Variants in ECE1 observed in about 807,000 individuals in gnomAD.
ECE1 encodes the protein endothelin-converting enzyme 1.
In ECE1, 35 loss-of-function variants were observed where a neutral mutation model predicts 98.6. That is an observed-to-expected ratio of 0.35 (90% CI 0.27 to 0.47). The LOEUF is 0.47. Among genes scored for constraint, ECE1 ranks in the 20% least tolerant of loss-of-function variants. The probability of loss-of-function intolerance (pLI) is 1.00; values close to 1 mark genes in which losing one functional copy is unlikely to be tolerated. For synonymous variants in ECE1, 394 were observed against 407.1 expected, an observed-to-expected ratio of 0.97 and a Z score of 0.39; for missense variants, 814 against 1,025.3, an observed-to-expected ratio of 0.79 and a Z score of 2.81.
intron 6 of ECE1, among the ~76,000 whole-genome samples, chr1:21,257,906 A>G (rs552326072): frequency 2.6e-5 from 4 of 152,214 alleles, no homozygotes; most frequent in Non-Finnish European, 4.4e-5. Context: ...GGTGGTTAAG[A>G]GTCACTCAAA....
At chr1:21,323,487 C>T (rs1018467006) in intron 1 of ECE1, among the ~76,000 whole-genome samples, 3 of 152,148 alleles carry the variant, frequency 2.0e-5, no homozygotes, top group African/African-American at 7.2e-5. Context: ...GGGCCAAGTG[C>T]AGTGTTCATG....
Position 21,290,090 on chromosome 1 carries a change from C to A in ECE1, c.118G>T (p.Ala40Ser). Residue 40 changes from alanine to serine, a missense_variant, in exon 2 of 19, where the codon GCA becomes TCA. Physicochemically the swap from Ala to Ser is moderately conservative, Grantham distance 99 (BLOSUM62 1). Transcript: ENST00000374893. The surrounding 1 kb of genome is among the most constrained non-coding windows in gnomAD (Gnocchi z 7.3). Reference protein sequence around the residue: ...DLVDSLSEGDAYPNGLQVNFH... With the variant: ...DLVDSLSEGDSYPNGLQVNFH... ...CCTACCTGCAGGCCGTTGGGGTATG[C>A]GTCGCCCTCGGAGAGCGAGTCCACC... 1 of 1,533,286 alleles carries A rather than the reference C, an allele frequency of 6.5e-7. No individual in the cohort carries two copies. Among genetic ancestry groups the A allele is most frequent in the Non-Finnish European group, 8.8e-7 (1 of 1,139,186 alleles). 95.0% of individuals were successfully genotyped at this position (1,533,286 alleles called of 1,614,324 possible). A position where few individuals can be genotyped will look rare whatever the true frequency, so the allele number is the denominator to read the frequency against.
At chr1:21,298,572 G>A in intron 1 of ECE1, 1 of 366,430 alleles carries the variant, frequency 2.7e-6, no homozygotes. Context: ...GCCTAGCAGA[G>A]AAGCAGCACA....
intron 2 of ECE1, among the ~76,000 whole-genome samples, chr1:21,281,881 G>C (rs1049211564): frequency 6.6e-6 from 1 of 152,170 alleles, no homozygotes; most frequent in African/African-American, 2.4e-5. Context: ...ATTTTTAGTA[G>C]AGACAGGGTT....
chr1:21,238,353 C>T (rs923890212), intron 10 of ECE1, 109 bp from the exon 11 acceptor site: 1 of 883,314 alleles, frequency 1.1e-6, no homozygotes, highest in Non-Finnish European at 1.8e-6. Context: ...TCTGGAAGTT[C>T]AGGGAGAGCT....
At chr1:21,268,183 G>A (rs562613640) in intron 4 of ECE1, among the ~76,000 whole-genome samples, 1 of 152,198 alleles carries the variant, frequency 6.6e-6, no homozygotes, top group Non-Finnish European at 1.5e-5. Context: ...GGCTTTGGAG[G>A]GGGTGGTGTA....
chr1:21,282,134 A>C (rs1454161649), intron 2 of ECE1, among the ~76,000 whole-genome samples: 2 of 152,088 alleles, frequency 1.3e-5, no homozygotes, highest in East Asian at 3.9e-4. Context: ...AAAAAAATTA[A>C]ATTAAATTAG....
chr1:21,224,450 C>T (rs1048870128), intron 17 of ECE1, among the ~76,000 whole-genome samples: 1 of 152,140 alleles, frequency 6.6e-6, no homozygotes, highest in Non-Finnish European at 1.5e-5. Flanking sequence ...TTCATTGACT[C>T]GTGGACTTTA....
intron 1 of ECE1, among the ~76,000 whole-genome samples, chr1:21,308,405 C>G (rs1454814781): frequency 6.6e-6 from 1 of 152,122 alleles, no homozygotes; most frequent in East Asian, 1.9e-4. Context: ...AACGGCAAAG[C>G]ACTCTCTATT....
intron 10 of ECE1, among the ~76,000 whole-genome samples, chr1:21,239,261 A>T (rs1250901637): frequency 3.9e-5 from 6 of 152,214 alleles, no homozygotes; most frequent in African/African-American, 1.4e-4. Context: ...TGGCCCAGGG[A>T]CGCGTGCTGG....
At chr1:21,266,746 C>T (rs2098234402) in intron 4 of ECE1, 1 of 152,198 alleles carries the variant, frequency 6.6e-6, no homozygotes, top group Admixed American at 6.5e-5. Flanking sequence ...TATCACACTC[C>T]ATTTACAAGT....
At chr1:21,313,313 C>A (rs140233808) in intron 1 of ECE1, among the ~76,000 whole-genome samples, 1 of 152,272 alleles carries the variant, frequency 6.6e-6, no homozygotes, top group African/African-American at 2.4e-5. Flanking sequence ...CCCATCTGGT[C>A]CCCAGTACAC....
chr1:21,298,347 G>A (rs557102219), intron 1 of ECE1: 40 of 199,362 alleles, frequency 2.0e-4, no homozygotes, highest in African/African-American at 7.0e-4. Flanking sequence ...ACCCTTCCTC[G>A]GTGCTCCGCG....
Position 21,290,329 on chromosome 1 carries a change from T to TCCCGCC in ECE1, c.51+29_51+34dup. 1.9e-6 allele frequency: 2 copies of TCCCGCC among 1,061,236 alleles called. No homozygotes were observed. Among genetic ancestry groups the TCCCGCC allele is most frequent in the African/African-American group, 1.8e-5 (1 of 55,258 alleles). The allele number at this position is 1,061,236 out of a possible 1,614,324, so 65.7% of individuals were successfully genotyped here. ...CGCGCGGGGAGGGGTCCCGCCCGCC[T>TCCCGCC]CCCGCCCCCGCCCTCCAGGCCGCGC... On this transcript the variant is annotated intron_variant, in intron 1 of 18. Transcript: ENST00000374893. The surrounding 1 kb of genome is among the most constrained non-coding windows in gnomAD (Gnocchi z 7.3).
chr1:21,331,925 T>G (rs1558436844), intron 1 of ECE1, among the ~76,000 whole-genome samples: 1 of 152,170 alleles, frequency 6.6e-6, no homozygotes, highest in South Asian at 2.1e-4. Context: ...GTTACTACTA[T>G]GTCACTCCCA....
At chr1:21,227,091 C>G in intron 16 of ECE1, 68 bp downstream of exon 16, 1 of 1,545,388 alleles carries the variant, frequency 6.5e-7, no homozygotes, top group Non-Finnish European at 8.9e-7. Flanking sequence ...CTCCTGCCCT[C>G]AAGCAATCCT....
Position 21,245,112 on chromosome 1 carries a change from A to T in ECE1, c.1164-9T>A, listed in dbSNP as rs771341865. On this transcript the variant is annotated splice_polypyrimidine_tract_variant and intron_variant, in intron 9 of 18. Transcript: ENST00000374893. ...TGTAGTTGTTGAGCAGGCTGCGGGG[A>T]GAGGAGGCCAGAGAGGCTCAGGGAC... 1 of 1,611,408 alleles carries T rather than the reference A, an allele frequency of 6.2e-7. No individual in the cohort carries two copies. The highest frequency in any genetic ancestry group is 8.5e-7 in the Non-Finnish European group (1 of 1,177,664).
intron 1 of ECE1, among the ~76,000 whole-genome samples, chr1:21,334,828 C>A (rs1386224138): frequency 6.6e-6 from 1 of 152,174 alleles, no homozygotes; most frequent in Non-Finnish European, 1.5e-5. Context: ...CCTGCAGAAA[C>A]CTACGCCTCC....
At chr1:21,308,228 C>T (rs775038317) in intron 1 of ECE1, among the ~76,000 whole-genome samples, 4 of 152,200 alleles carry the variant, frequency 2.6e-5, no homozygotes, top group Admixed American at 6.5e-5. Context: ...TTTGCCCCAG[C>T]TTTAGTTTAA....
Sources: allele counts gnomAD v4.1 joint callset (sites outside exome capture counted in the v4.1 genomes callset), GRCh38; gene constraint gnomAD v4.1.1; non-coding constraint Gnocchi (gnomAD v3.1); transcripts MANE v1.5; gene names NCBI Gene and HGNC (gene_info 2026-07-23, HGNC 2026-07-21).